MTR: variants seen among roughly 807,000 people sequenced by gnomAD.
MTR encodes 5-methyltetrahydrofolate-homocysteine methyltransferase, also known as methionine synthase.
Under a neutral mutation model 154.8 loss-of-function variants are expected in MTR, and 84 were observed. The observed-to-expected ratio is 0.54, with a 90% confidence interval of 0.45 to 0.65. The LOEUF (loss-of-function observed/expected upper bound fraction) is 0.65, where lower values mean the gene tolerates loss of function less well. Ranked by LOEUF, MTR falls within the 30% of genes least tolerant of loss-of-function variation. The pLI, the probability that MTR is intolerant of heterozygous loss-of-function variation, is 0.00. For missense variants in MTR, 1,275 were observed against 1,570.2 expected, an observed-to-expected ratio of 0.81 and a Z score of 3.18; for synonymous variants, 554 against 553.9, an observed-to-expected ratio of 1.00 and a Z score of 0.00.
intron 22 of MTR, among the ~76,000 whole-genome samples, chr1:236,869,919 T>C (rs372975853): frequency 8.5e-5 from 13 of 152,358 alleles, no homozygotes; most frequent in African/African-American, 2.6e-4. Context: ...GACTTTCCCC[T>C]AGGATGCTTC....
intron 29 of MTR, among the ~76,000 whole-genome samples, chr1:236,891,972 C>T (rs752336326): frequency 1.3e-5 from 2 of 151,990 alleles, no homozygotes; most frequent in East Asian, 1.9e-4. Context: ...TTTTTTCTTT[C>T]GAGTGACGAG....
intron 8 of MTR, chr1:236,820,190 G>T: frequency 1.3e-6 from 1 of 761,548 alleles, no homozygotes. Context: ...CTGCACATGC[G>T]TGGCACCATT....
intron 22 of MTR, among the ~76,000 whole-genome samples, chr1:236,864,785 C>G (rs10802568): frequency 0.22 from 32,739 of 152,110 alleles, 3,715 homozygotes; most frequent in South Asian, 0.31. Flanking sequence ...AAATTCACTT[C>G]AGTTAATGTT....
At chr1:236,832,760 T>C (rs1662685459) in intron 13 of MTR, among the ~76,000 whole-genome samples, 1 of 152,176 alleles carries the variant, frequency 6.6e-6, no homozygotes, top group South Asian at 2.1e-4. Flanking sequence ...TAGGAGATCT[T>C]CCAGAAACCA....
chr1:236,851,749 G>A (rs1337391445), intron 16 of MTR, among the ~76,000 whole-genome samples: 1 of 152,184 alleles, frequency 6.6e-6, no homozygotes, highest in Non-Finnish European at 1.5e-5. Context: ...AATAAAAATA[G>A]AATCGTAATA....
At position 236,833,829 on chromosome 1, in the gene MTR, T is replaced by C. The variant is rs558355983; in HGVS notation, c.1189-1718T>C. Among the ~76,000 whole-genome samples the C allele has an allele frequency of 6.6e-5, 10 of 152,370 alleles. No homozygotes were observed. In the South Asian group the frequency reaches 1.9e-3, roughly 28 times the overall value. On this transcript the variant is annotated intron_variant, in intron 13 of 32. Transcript: ENST00000366577. ...TGATTCTTAAGAAATAGGTCAGATA[T>C]TGGCATTTCCGTTTTTGAGGTCTTT...
At chr1:236,826,546 T>A (rs1176507711) in intron 10 of MTR, among the ~76,000 whole-genome samples, 1 of 152,184 alleles carries the variant, frequency 6.6e-6, no homozygotes, top group Admixed American at 6.5e-5. Context: ...TCCTCCTGCC[T>A]TTGCCTCCCA....
intron 8 of MTR, chr1:236,819,559 C>G: frequency 2.6e-6 from 1 of 382,586 alleles, no homozygotes; most frequent in South Asian, 2.3e-5. Flanking sequence ...TCTCCCATGG[C>G]CTTTCCATGC....
At chr1:236,880,656 G>A in intron 24 of MTR, 99 bp from the exon 25 acceptor site, 1 of 960,682 alleles carries the variant, frequency 1.0e-6, no homozygotes, top group Non-Finnish European at 1.7e-6. Context: ...TCTCTGGAAA[G>A]CACTGTAGAA....
intron 22 of MTR, among the ~76,000 whole-genome samples, chr1:236,866,282 A>G (rs1664818568): frequency 6.6e-6 from 1 of 152,164 alleles, no homozygotes; most frequent in African/African-American, 2.4e-5. Flanking sequence ...TTATTATTGT[A>G]TCTGTTATGA....
rs979139662 is a variant in MTR at position 236,899,302 on chromosome 1, A to G, written c.*1658A>G. On this transcript the variant is annotated 3_prime_UTR_variant, in exon 33 of 33. Coordinates refer to ENST00000366577, the MANE Select transcript of MTR (RefSeq NM_000254.3). ...TGATACCAAGTTTTATTGTCAAGAC[A>G]GTGTCATGGTGCAGAGGTAGGCATT... The G allele has an allele frequency of 1.3e-5, 2 of 152,224 alleles. No homozygotes were observed. Among genetic ancestry groups the G allele is most frequent in the Admixed American group, 6.5e-5 (1 of 15,274 alleles). 9.4% of individuals were successfully genotyped at this position (152,224 alleles called of 1,614,324 possible).
intron 25 of MTR, among the ~76,000 whole-genome samples, chr1:236,883,921 C>T (rs991229644): frequency 6.6e-6 from 1 of 152,154 alleles, no homozygotes; most frequent in Non-Finnish European, 1.5e-5. Flanking sequence ...GATAATCCTG[C>T]TGGAGAATGC....
At chr1:236,874,944 T>G in intron 24 of MTR, 98 bp downstream of exon 24, 1 of 1,342,904 alleles carries the variant, frequency 7.4e-7, no homozygotes, top group Non-Finnish European at 1.0e-6. Context: ...TTTTCCCTTA[T>G]GTTTAGTACA....
In MTR at chr1:236,808,687, T is replaced by A; in HGVS notation, c.340-17T>A. ...AGGAAAAGAAGGACAAGCTAACGTT[T>A]GTGGTTGATACGTTAGGCCTACCGG... On this transcript the variant is annotated splice_polypyrimidine_tract_variant and intron_variant, in intron 3 of 32. Transcript: ENST00000366577. 6.2e-7 allele frequency: 1 copy of A among 1,613,778 alleles called. No homozygotes were observed. Among genetic ancestry groups the A allele is most frequent in the Non-Finnish European group, 8.5e-7 (1 of 1,179,684 alleles).
rs550103738 is a variant in MTR at position 236,873,665 on chromosome 1, C to G, written c.2406-108C>G. ...ATTTAGTGAGCATTTCAACTTGATTCTCGTTTACATTAGAGCAGTATTTAA... is the reference window on the plus strand; with the variant it reads ...ATTTAGTGAGCATTTCAACTTGATTGTCGTTTACATTAGAGCAGTATTTAA... On this transcript the variant is annotated intron_variant, in intron 22 of 32. Transcript: ENST00000366577. The G allele has an allele frequency of 1.3e-5, 12 of 900,102 alleles. No individual in the cohort carries two copies. In the East Asian group the frequency reaches 3.0e-4, roughly 23 times the overall value. 55.8% of individuals were successfully genotyped at this position (900,102 alleles called of 1,614,324 possible).
At chr1:236,800,613 C>T in intron 1 of MTR, 1 of 434,294 alleles carries the variant, frequency 2.3e-6, no homozygotes, top group Non-Finnish European at 3.1e-6. Flanking sequence ...CATTCCTGCC[C>T]CAACATGACC....
intron 29 of MTR, among the ~76,000 whole-genome samples, chr1:236,891,920 C>T (rs1209715093): frequency 6.6e-6 from 1 of 152,098 alleles, no homozygotes; most frequent in Non-Finnish European, 1.5e-5. Flanking sequence ...GAGAGCCCAG[C>T]CTGTACATAT....
intron 8 of MTR, among the ~76,000 whole-genome samples, chr1:236,817,932 T>C (rs1326269756): frequency 2.0e-5 from 3 of 152,190 alleles, no homozygotes; most frequent in African/African-American, 7.2e-5. Context: ...ATTTCTGTAG[T>C]GTTTAGTGGA....
rs571280151 is a variant in MTR, at chr1:236,807,474, G to A, written c.340-1230G>A. On this transcript the variant is annotated intron_variant, in intron 3 of 32. Coordinates refer to ENST00000366577, the MANE Select transcript of MTR (RefSeq NM_000254.3). ...CAGGTGTGAGCCACCGCGCCTGGCC[G>A]GCTGTACCATTTTACATTCCCACTA... Among the ~76,000 whole-genome samples, 74 of 152,082 alleles carry A rather than the reference G, an allele frequency of 4.9e-4. 1 individual carries two copies. The South Asian group carries it at 0.015, about 30-fold the overall frequency.
Sources: gnomAD v4.1 joint callset for allele counts (sites outside exome capture counted in the v4.1 genomes callset) on GRCh38, gnomAD v4.1.1 for gene constraint, MANE v1.5 for transcripts, NCBI Gene and HGNC (gene_info 2026-07-23, HGNC 2026-07-21) for gene names.